SAXO5: variants seen among roughly 807,000 people sequenced by gnomAD.
SAXO5 encodes stabilizer of axonemal microtubules 5.
the SAXO5 span, among the ~76,000 whole-genome samples, chr19:7,503,014 CT>C: frequency 6.6e-6 from 1 of 152,136 alleles, no homozygotes; most frequent in East Asian, 1.9e-4. Context: ...TGGCAAGTTG[CT>C]TAACCTCTCT....
chr19:7,499,371 AG>A, the SAXO5 span, among the ~76,000 whole-genome samples: 1,147 of 40,244 alleles, frequency 0.029, 8 homozygotes, highest in Non-Finnish European at 0.042. Context: ...AGCGGAGGGG[AG>A]GGGGGAGGGG....
At chr19:7,506,830 A>ACCTCTTTCCCAGCTCCTC in the SAXO5 span, 14 of 360,316 alleles carry the variant, frequency 3.9e-5, no homozygotes, top group Admixed American at 5.7e-4. Flanking sequence ...CCCAGCGCCT[A>ACCTCTTTCCCAGCTCCTC]CCTCTTTCCC....
At chr19:7,506,256 GGAGCCCCGCC>G in the SAXO5 span, 1 of 991,442 alleles carries the variant, frequency 1.0e-6, no homozygotes, top group Non-Finnish European at 1.3e-6. Flanking sequence ...CCCTCCCCAT[GGAGCCCCGCC>G]CCCACGGAGC....
the SAXO5 span, among the ~76,000 whole-genome samples, chr19:7,505,077 G>A: frequency 3.3e-5 from 5 of 150,594 alleles, no homozygotes; most frequent in Admixed American, 6.6e-5. Context: ...TCCGCCTCCC[G>A]GGTTCAAGCA....
At chr19:7,507,048 A>G in the SAXO5 span, 6 of 1,613,168 alleles carry the variant, frequency 3.7e-6, no homozygotes, top group African/African-American at 6.7e-5. Context: ...CCCAACCTGA[A>G]TCTCCAGAAT....
chr19:7,501,937 G>T, the SAXO5 span, among the ~76,000 whole-genome samples: 1 of 148,192 alleles, frequency 6.7e-6, no homozygotes, highest in Non-Finnish European at 1.5e-5. Context: ...GAGGGAGGGA[G>T]GAAGACTTGG....
chr19:7,499,140 C>T, the SAXO5 span, among the ~76,000 whole-genome samples: 2 of 151,764 alleles, frequency 1.3e-5, no homozygotes, highest in South Asian at 2.1e-4. Flanking sequence ...GGTGAAACCC[C>T]GTCTCTACCA....
At chr19:7,500,062 G>T in the SAXO5 span, among the ~76,000 whole-genome samples, 2 of 151,984 alleles carry the variant, frequency 1.3e-5, no homozygotes, top group Non-Finnish European at 2.9e-5. Context: ...GGATACAGGT[G>T]TGAGTCACAG....
At chr19:7,497,654 A>C in the SAXO5 span, 1 of 151,890 alleles carries the variant, frequency 6.6e-6, no homozygotes, top group South Asian at 2.1e-4. Context: ...ATTTTCTAAA[A>C]CTCATTGATT....
At chr19:7,501,477 C>T in the SAXO5 span, 1 of 1,352,088 alleles carries the variant, frequency 7.4e-7, no homozygotes, top group East Asian at 3.0e-5. Flanking sequence ...TCTTCATTCC[C>T]CTTCCCCCAG....
chr19:7,505,415 C>G, the SAXO5 span: 2 of 1,614,198 alleles, frequency 1.2e-6, no homozygotes, highest in Non-Finnish European at 1.7e-6. Context: ...CAAGGCCGAG[C>G]ACTTCTATGC....
At chr19:7,502,676 A>C in the SAXO5 span, among the ~76,000 whole-genome samples, 2 of 151,664 alleles carry the variant, frequency 1.3e-5, no homozygotes, top group Non-Finnish European at 2.9e-5. Context: ...CCAGCTGTAC[A>C]CCCTCCTCCC....
At chr19:7,506,815 T>TC in the SAXO5 span, 1 of 302,440 alleles carries the variant, frequency 3.3e-6, no homozygotes, top group South Asian at 2.6e-5. Context: ...ACCTCCTCCC[T>TC]CTTCCCCAGC....
the SAXO5 span, among the ~76,000 whole-genome samples, chr19:7,504,989 T>TTTTTTTTTTTC: frequency 4.4e-5 from 3 of 67,640 alleles, no homozygotes; most frequent in Non-Finnish European, 9.4e-5. Context: ...TTTTTTTTTC[T>TTTTTTTTTTTC]TTTTTTTTTT....
At chr19:7,499,932 T>TTGTGTGTGTGTGTGTGTGTGTGTGTG in the SAXO5 span, 4 of 108,926 alleles carry the variant, frequency 3.7e-5, no homozygotes, top group South Asian at 3.0e-4. Context: ...CTTGTCTAAT[T>TTGTGTGTGTGTGTGTGTGTGTGTGTG]TGTGTGTGTG....
the SAXO5 span, chr19:7,506,950 C>G: frequency 8.1e-6 from 7 of 866,596 alleles, no homozygotes; most frequent in Non-Finnish European, 1.3e-5. Context: ...TCAACTTCAG[C>G]GCTGGCCTGG....
the SAXO5 span, among the ~76,000 whole-genome samples, chr19:7,502,380 G>A: frequency 6.6e-6 from 1 of 152,144 alleles, no homozygotes; most frequent in Non-Finnish European, 1.5e-5. Context: ...AAAGTGCTGG[G>A]ATTATAGGCA....
the SAXO5 span, chr19:7,497,737 G>A: frequency 6.6e-6 from 1 of 152,166 alleles, no homozygotes; most frequent in African/African-American, 2.4e-5. Flanking sequence ...AGGCTCATGG[G>A]AGCTTAATGA....
the SAXO5 span, chr19:7,506,225 A>G: frequency 7.4e-4 from 815 of 1,095,012 alleles, 5 homozygotes; most frequent in Admixed American, 0.014. Flanking sequence ...CCCACCCCCG[A>G]AAGCCCCGCC....
Sources: gnomAD v4.1 joint callset for allele counts (sites outside exome capture counted in the v4.1 genomes callset) on GRCh38, gnomAD v4.1.1 for gene constraint, MANE v1.5 for transcripts, NCBI Gene and HGNC (gene_info 2026-07-23, HGNC 2026-07-21) for gene names.